The following HECTD4 variants were observed in gnomAD, a reference collection of about 807,000 sequenced individuals.
HECTD4 encodes the protein HECT domain E3 ubiquitin protein ligase 4.
HECTD4 carries 114 observed loss-of-function variants against 471.5 expected under a neutral mutation model. The observed-to-expected ratio is 0.24, with a 90% CI of 0.21 to 0.28. The LOEUF is 0.28. HECTD4 is among the 10% of genes least tolerant of loss of function. The probability of loss-of-function intolerance (pLI) is 1.00; values close to 1 mark genes in which losing one functional copy is unlikely to be tolerated. For missense variants in HECTD4, 3,866 were observed against 5,651.5 expected, an observed-to-expected ratio of 0.68 and a Z score of 10.13; for synonymous variants, 2,012 against 2,256.0, an observed-to-expected ratio of 0.89 and a Z score of 3.07.
intron 1 of HECTD4, among the ~76,000 whole-genome samples, chr12:112,328,489 G>A (rs1173435936): frequency 6.6e-6 from 1 of 152,138 alleles, no homozygotes; most frequent in African/African-American, 2.4e-5. Context: ...TCAAATGTTA[G>A]AATAGATGCT....
At chr12:112,182,384 T>TAAA (rs11290669) in intron 62 of HECTD4, among the ~76,000 whole-genome samples, 2 of 130,420 alleles carry the variant, frequency 1.5e-5, no homozygotes, top group Non-Finnish European at 3.4e-5. Flanking sequence ...AAAGAGGAAT[T>TAAA]AAAAAAAAAA....
At position 112,193,158 on chromosome 12, in the gene HECTD4, G is replaced by C; in HGVS notation, c.8989C>G (p.Pro2997Ala). 1.4e-5 allele frequency: 22 copies of C among 1,613,946 alleles called. No individual in the cohort carries two copies. The highest frequency in any genetic ancestry group is 1.8e-5 in the Non-Finnish European group (21 of 1,179,886). Residue 2997 changes from proline (P) to alanine (A), a missense_variant, in exon 58 of 76, where the codon CCA becomes GCA. Transcript: ENST00000682272. This position sits in a 1 kb window ranked among gnomAD's most constrained non-coding sequence, Gnocchi z 5.2. The stretch of plus-strand genomic sequence containing the variant: ...ATGTTGACTTTGGATTCGGAAATTG[G>C]GAACTCTTCGGAGGGGAACTGCTCT... The part of the protein sequence containing the change: ...APEQFPSEEF[P>A]ISESKVNMDV...
chr12:112,377,001 C>T (rs1432935799), intron 1 of HECTD4, among the ~76,000 whole-genome samples: 4 of 152,138 alleles, frequency 2.6e-5, no homozygotes, highest in Admixed American at 2.6e-4. Flanking sequence ...AATCTCAGCT[C>T]CTCAGGGGGC....
At chr12:112,189,142 A>G (rs1207688602) in intron 60 of HECTD4, among the ~76,000 whole-genome samples, 3 of 152,102 alleles carry the variant, frequency 2.0e-5, no homozygotes, top group Non-Finnish European at 4.4e-5. Context: ...ATAGGTGTGA[A>G]CCACACTGCG....
chr12:112,214,811 C>T (rs2032868010), intron 48 of HECTD4, among the ~76,000 whole-genome samples: 1 of 151,998 alleles, frequency 6.6e-6, no homozygotes, highest in South Asian at 2.1e-4. Flanking sequence ...TTTACTTTGC[C>T]CTGAAATGAT....
chr12:112,228,717 C>G lies in HECTD4; in HGVS notation c.6614G>C (p.Cys2205Ser), dbSNP rs753831180. 6.2e-7 allele frequency: 1 copy of G among 1,613,640 alleles called. No homozygotes were observed. Among genetic ancestry groups the G allele is most frequent in the East Asian group, 2.2e-5 (1 of 44,878 alleles). Reference sequence around the variant, plus strand: ...GTCTGACGCTTGCGAAGTCTTTCTACAGTCTATGGGTGGGAATCTGACTGT... The same window carrying G: ...GTCTGACGCTTGCGAAGTCTTTCTAGAGTCTATGGGTGGGAATCTGACTGT... ...IATVRFPPID[C>S]RKTSQASDTL... Residue 2205 changes from cysteine (C) to serine (S), a missense_variant, in exon 42 of 76, where the codon TGT becomes TCT. Cys to Ser is a moderately radical substitution (Grantham distance 112). This residue lies in a region of HECTD4 where 617 missense variants were observed against 915.1 expected (regional missense o/e 0.67). Transcript: ENST00000682272. The surrounding 1 kb of genome is among the most constrained non-coding windows in gnomAD (Gnocchi z 4.9).
At chr12:112,346,261 G>A (rs2036147994) in intron 1 of HECTD4, among the ~76,000 whole-genome samples, 1 of 152,160 alleles carries the variant, frequency 6.6e-6, no homozygotes, top group Non-Finnish European at 1.5e-5. Context: ...CACCTGATAA[G>A]AATCACCTTG....
At chr12:112,331,094 T>C (rs1272685168) in intron 1 of HECTD4, among the ~76,000 whole-genome samples, 1 of 152,108 alleles carries the variant, frequency 6.6e-6, no homozygotes, top group East Asian at 1.9e-4. Flanking sequence ...TTTTTTGAGA[T>C]GGAGTCTCGC....
At chr12:112,221,815 C>T (rs1353003639) in intron 44 of HECTD4, among the ~76,000 whole-genome samples, 5 of 150,544 alleles carry the variant, frequency 3.3e-5, no homozygotes, top group Non-Finnish European at 1.5e-5. Flanking sequence ...AGTGCAACGG[C>T]ATGATCTCGG....
rs2135778448 is a variant in HECTD4 at position 112,381,716 on chromosome 12, A to G, written c.177+236T>C. ...CGGGTGTCGGAACGCTCAAAAGAAAACCACAAATGAAATCCCCTGCGGGCG... is the reference window on the plus strand; with the variant it reads ...CGGGTGTCGGAACGCTCAAAAGAAAGCCACAAATGAAATCCCCTGCGGGCG... On this transcript the variant is annotated intron_variant, in intron 1 of 75. Transcript: ENST00000682272. The surrounding 1 kb of genome is among the most constrained non-coding windows in gnomAD (Gnocchi z 4.1). 6.6e-6 allele frequency among the ~76,000 whole-genome samples: 1 copy of G among 151,716 alleles called. No homozygotes were observed. The highest frequency in any genetic ancestry group is 2.0e-4 in the East Asian group (1 of 5,084).
At chr12:112,339,069 A>G (rs946089737) in intron 1 of HECTD4, among the ~76,000 whole-genome samples, 3 of 152,064 alleles carry the variant, frequency 2.0e-5, no homozygotes, top group African/African-American at 4.8e-5. Flanking sequence ...CAATCCATCA[A>G]TCCACTCCTA....
chr12:112,183,030 T>C, intron 62 of HECTD4, 29 bp downstream of exon 62: 1 of 1,554,598 alleles, frequency 6.4e-7, no homozygotes, highest in Non-Finnish European at 8.8e-7. Flanking sequence ...ACAAAAAGTC[T>C]ACAGATTAAA....
chr12:112,219,828 G>A (rs559862864), intron 44 of HECTD4, among the ~76,000 whole-genome samples: 1 of 152,170 alleles, frequency 6.6e-6, no homozygotes, highest in African/African-American at 2.4e-5. Flanking sequence ...TCGAACTCCT[G>A]ACCTCAGGTG....
chr12:112,372,500 A>G (rs1013406955), intron 1 of HECTD4, among the ~76,000 whole-genome samples: 1 of 66,278 alleles, frequency 1.5e-5, no homozygotes, highest in Non-Finnish European at 2.7e-5. Context: ...TGACCTCGTG[A>G]TCCGCCCACC....
At chr12:112,234,047 T>C (rs1181992073) in intron 37 of HECTD4, among the ~76,000 whole-genome samples, 2 of 152,208 alleles carry the variant, frequency 1.3e-5, no homozygotes, top group Non-Finnish European at 2.9e-5. Context: ...TTTTATATTT[T>C]TAATAAGGTA....
Position 112,239,440 on chromosome 12 carries a change from G to A in HECTD4, c.5106-204C>T, listed in dbSNP as rs1204823687. Among the ~76,000 whole-genome samples, 1 of 152,144 alleles carries A rather than the reference G, an allele frequency of 6.6e-6. No homozygotes were observed. The highest frequency in any genetic ancestry group is 1.5e-5 in the Non-Finnish European group (1 of 68,018). ...AACAAGGAACTTCAAATTCTGGTTTGTTTATATACAGCAAAAATCGATGGA... is the reference window on the plus strand; with the variant it reads ...AACAAGGAACTTCAAATTCTGGTTTATTTATATACAGCAAAAATCGATGGA... On this transcript the variant is annotated intron_variant, in intron 33 of 75. Transcript: ENST00000682272. The surrounding 1 kb of genome is among the most constrained non-coding windows in gnomAD (Gnocchi z 4.9).
At chr12:112,191,493 T>C (rs1480533167) in intron 59 of HECTD4, among the ~76,000 whole-genome samples, 3 of 152,132 alleles carry the variant, frequency 2.0e-5, no homozygotes, top group Non-Finnish European at 4.4e-5. Flanking sequence ...CTGTCTACAG[T>C]GAGAGGAAGA....
At chr12:112,289,801 C>T (rs773331439) in intron 7 of HECTD4, among the ~76,000 whole-genome samples, 5 of 151,966 alleles carry the variant, frequency 3.3e-5, no homozygotes, top group Non-Finnish European at 5.9e-5. Flanking sequence ...CTCAACCTCC[C>T]GAGTATCTGG....
rs531242147 is a variant in HECTD4 at position 112,320,964 on chromosome 12, C to T, written c.178-1222G>A. On this transcript the variant is annotated intron_variant, in intron 1 of 75. Coordinates refer to ENST00000682272, the MANE Select transcript of HECTD4 (RefSeq NM_001388303.1). Reference sequence around the variant, plus strand: ...CAGGTTCAAGCAATTCTGCCTCAGCCTCCCTAATAGCTGGGATTACAAGGG... The same window carrying T: ...CAGGTTCAAGCAATTCTGCCTCAGCTTCCCTAATAGCTGGGATTACAAGGG... 6.6e-5 allele frequency among the ~76,000 whole-genome samples: 10 copies of T among 152,192 alleles called. No homozygotes were observed. The South Asian group carries it at 2.1e-3, about 32-fold the overall frequency.
Sources: allele counts gnomAD v4.1 joint callset (sites outside exome capture counted in the v4.1 genomes callset), GRCh38; gene constraint gnomAD v4.1.1; regional missense constraint gnomAD v4.1.1; non-coding constraint Gnocchi (gnomAD v3.1); transcripts MANE v1.5; gene names NCBI Gene and HGNC (gene_info 2026-07-23, HGNC 2026-07-21).